Variants in CSMD1 observed in about 807,000 individuals in gnomAD.
CSMD1 encodes the protein CUB and sushi domain-containing protein 1.
Under a neutral mutation model 417.5 loss-of-function variants are expected in CSMD1, and 213 were observed. The ratio of observed to expected loss-of-function variants is 0.51; its 90% CI spans 0.46 to 0.57. The LOEUF (loss-of-function observed/expected upper bound fraction) is 0.57. Among genes scored for constraint, CSMD1 ranks in the 20% least tolerant of loss-of-function variants. The pLI is 0.00. For missense variants in CSMD1, 6,923 were observed against 4,529.7 expected (o/e 1.53, Z -15.17); for synonymous variants, 2,862 against 1,736.8 (o/e 1.65, Z -16.11).
intron 6 of CSMD1, among the ~76,000 whole-genome samples, chr8:3,752,190 A>G (rs1797375926): frequency 6.6e-6 from 1 of 152,130 alleles, no homozygotes; most frequent in African/African-American, 2.4e-5. Context: ...ATGGGGAGGT[A>G]TGGAAAAGGA....
chr8:3,050,032 T>C (rs1157182538), intron 50 of CSMD1, among the ~76,000 whole-genome samples: 2 of 151,684 alleles, frequency 1.3e-5, no homozygotes, highest in Non-Finnish European at 2.9e-5. Context: ...TCAGATAGTA[T>C]ACAAATTTAA....
intron 30 of CSMD1, among the ~76,000 whole-genome samples, chr8:3,206,779 G>C (rs1357848764): frequency 6.6e-6 from 1 of 152,056 alleles, no homozygotes; most frequent in African/African-American, 2.4e-5. Context: ...CTTTTGCTGA[G>C]AAAATGAAAA....
At chr8:4,695,514 G>A (rs1807070829) in intron 1 of CSMD1, among the ~76,000 whole-genome samples, 1 of 152,128 alleles carries the variant, frequency 6.6e-6, no homozygotes, top group Admixed American at 6.6e-5. Flanking sequence ...TAAGTTAAAC[G>A]ATTTCATTTT....
chr8:4,134,333 G>C (rs1490124478), intron 3 of CSMD1, among the ~76,000 whole-genome samples: 1 of 152,122 alleles, frequency 6.6e-6, no homozygotes, highest in Non-Finnish European at 1.5e-5. Flanking sequence ...ACATCTTTAA[G>C]GTGGGTCCTC....
At chr8:3,385,119 T>A (rs1204849303) in intron 18 of CSMD1, among the ~76,000 whole-genome samples, 2 of 36,234 alleles carry the variant, frequency 5.5e-5, no homozygotes, top group South Asian at 5.6e-4. Context: ...AAAATATATA[T>A]AATATATAAA....
At chr8:3,585,522 T>G (rs1584924164) in intron 9 of CSMD1, among the ~76,000 whole-genome samples, 1 of 152,170 alleles carries the variant, frequency 6.6e-6, no homozygotes, top group Non-Finnish European at 1.5e-5. Flanking sequence ...TTCAATATGA[T>G]TTCTGTAATT....
chr8:3,364,684 T>C (rs1020610733), intron 20 of CSMD1, among the ~76,000 whole-genome samples: 7 of 152,192 alleles, frequency 4.6e-5, no homozygotes, highest in Admixed American at 1.3e-4. Context: ...CATGGGGATA[T>C]GGGCGATTCT....
chr8:4,013,331 T>G (rs1796369072), intron 4 of CSMD1, among the ~76,000 whole-genome samples: 1 of 152,176 alleles, frequency 6.6e-6, no homozygotes, highest in Admixed American at 6.5e-5. Context: ...CGTACGCTGT[T>G]GTCTCAAGGC....
At chr8:4,385,322 G>A (rs960190889) in intron 3 of CSMD1, among the ~76,000 whole-genome samples, 2 of 152,298 alleles carry the variant, frequency 1.3e-5, no homozygotes, top group African/African-American at 4.8e-5. Context: ...AGTCTGACAG[G>A]CAGTCACCTA....
At chr8:4,894,877 T>G (rs1390365562) in intron 1 of CSMD1, among the ~76,000 whole-genome samples, 2 of 152,164 alleles carry the variant, frequency 1.3e-5, no homozygotes, top group Non-Finnish European at 2.9e-5. Context: ...TATATGTTAT[T>G]GTTCATGAAT....
At chr8:4,041,000 C>CTTTT (rs1429536392) in intron 3 of CSMD1, among the ~76,000 whole-genome samples, 1 of 134,188 alleles carries the variant, frequency 7.5e-6, no homozygotes, top group Non-Finnish European at 1.6e-5. Flanking sequence ...ATTTTCTTTT[C>CTTTT]TTTCTTTTTT....
Position 4,876,338 on chromosome 8 carries a change from C to G in CSMD1, c.85+117994G>C, listed in dbSNP as rs143288314. 1.1e-3 allele frequency among the ~76,000 whole-genome samples: 172 copies of G among 152,132 alleles called. 1 individual carries two copies. Among genetic ancestry groups the G allele is most frequent in the African/African-American group, 4.1e-3 (170 of 41,470 alleles). On this transcript the variant is annotated intron_variant, in intron 1 of 69. Transcript: ENST00000635120. ...ATGGGCAACAGAATTAACTTAAAATCTACAGGTAACAAACAATTGTGAAAA... is the reference window on the plus strand; with the variant it reads ...ATGGGCAACAGAATTAACTTAAAATGTACAGGTAACAAACAATTGTGAAAA...
At chr8:4,316,499 T>A (rs1020650214) in intron 3 of CSMD1, among the ~76,000 whole-genome samples, 10 of 152,144 alleles carry the variant, frequency 6.6e-5, no homozygotes, top group African/African-American at 2.4e-4. Flanking sequence ...TGCACCAACC[T>A]ATACAAATAG....
intron 3 of CSMD1, among the ~76,000 whole-genome samples, chr8:4,166,004 G>A (rs552217140): frequency 1.3e-5 from 2 of 152,160 alleles, no homozygotes; most frequent in Admixed American, 1.3e-4. Flanking sequence ...TTATGGGACT[G>A]TACATCTCTT....
intron 7 of CSMD1, among the ~76,000 whole-genome samples, chr8:3,647,019 C>G (rs1797610121): frequency 6.6e-6 from 1 of 152,178 alleles, no homozygotes; most frequent in African/African-American, 2.4e-5. Flanking sequence ...CTCAGCAGCT[C>G]TTTCCTGCCA....
chr8:3,110,455 A>G, intron 42 of CSMD1, 120 bp from the exon 43 acceptor site: 3 of 741,570 alleles, frequency 4.0e-6, no homozygotes, highest in African/African-American at 1.8e-5. Context: ...TAGGTGTGAA[A>G]TATTTCTGAA....
intron 5 of CSMD1, among the ~76,000 whole-genome samples, chr8:3,774,461 G>C (rs1406670290): frequency 6.6e-6 from 1 of 152,160 alleles, no homozygotes; most frequent in Non-Finnish European, 1.5e-5. Flanking sequence ...TGTGTGCTTT[G>C]TTGCCTGGCT....
rs1796317738 is a variant in CSMD1, at chr8:3,190,039, A to C, written c.5271T>G (p.Phe1757Leu). The C allele has an allele frequency of 6.3e-7, 1 of 1,595,706 alleles. No homozygotes were observed. Among genetic ancestry groups the C allele is most frequent in the East Asian group, 2.3e-5 (1 of 44,132 alleles). ...PRYGRRIGSE[F>L]SAGSIVRFEC... ...CGAATCGGACGATGGAGCCGGCAGA[A>C]AACTCAGAACCAATTCTCCTTCCGT... Residue 1757 changes from phenylalanine to leucine, a missense_variant, in exon 34 of 70, where the codon TTT (phenylalanine) becomes TTG (leucine). By Grantham distance (22) the Phe-to-Leu change is conservative (BLOSUM62 0). Transcript: ENST00000635120.
chr8:3,913,212 G>C (rs1041116407), intron 5 of CSMD1, among the ~76,000 whole-genome samples: 1 of 152,154 alleles, frequency 6.6e-6, no homozygotes, highest in African/African-American at 2.4e-5. Context: ...GGTCAGAACA[G>C]ATATCAGGGT....
Sources: gnomAD v4.1 joint callset for allele counts (sites outside exome capture counted in the v4.1 genomes callset) on GRCh38, gnomAD v4.1.1 for gene constraint, MANE v1.5 for transcripts, NCBI Gene and HGNC (gene_info 2026-07-23, HGNC 2026-07-21) for gene names.